The following LAMB4 variants were observed in gnomAD, a reference collection of about 807,000 sequenced individuals.
LAMB4 encodes laminin subunit beta 4.
Under a neutral mutation model 199.2 loss-of-function variants are expected in LAMB4, and 196 were observed. The observed-to-expected ratio is 0.98, with a 90% CI of 0.88 to 1.11. LAMB4 has a LOEUF of 1.11. Among genes scored for constraint, LAMB4 ranks in the 50% least tolerant of loss-of-function variants. The pLI, the probability that LAMB4 is intolerant of heterozygous loss-of-function variation, is 0.00. For synonymous variants in LAMB4, 744 were observed against 770.6 expected, an observed-to-expected ratio of 0.97 and a Z score of 0.57; for missense variants, 2,080 against 2,171.2, an observed-to-expected ratio of 0.96 and a Z score of 0.83.
chr7:108,036,128 G>A (rs1321187845), intron 30 of LAMB4, among the ~76,000 whole-genome samples: 3 of 151,886 alleles, frequency 2.0e-5, no homozygotes, highest in African/African-American at 7.3e-5. Context: ...AAAGCACTGG[G>A]ATTATAGTCG....
At chr7:108,124,469 T>C (rs1002215076) in intron 1 of LAMB4, among the ~76,000 whole-genome samples, 2 of 152,172 alleles carry the variant, frequency 1.3e-5, no homozygotes, top group African/African-American at 4.8e-5. Flanking sequence ...ATTGTATATA[T>C]ATACACATAC....
the LAMB4 span, among the ~76,000 whole-genome samples, chr7:108,013,837 T>C: frequency 1.3e-5 from 2 of 152,176 alleles, no homozygotes; most frequent in Admixed American, 1.3e-4. Context: ...AAAATTACTA[T>C]GCTGGACCCA....
chr7:108,129,106 G>T (rs1474077192), intron 1 of LAMB4, among the ~76,000 whole-genome samples: 1 of 152,136 alleles, frequency 6.6e-6, no homozygotes, highest in African/African-American at 2.4e-5. Flanking sequence ...TGCCTCATCT[G>T]CTCTCACTTG....
At chr7:108,082,214 C>T (rs1008461778) in intron 14 of LAMB4, among the ~76,000 whole-genome samples, 60 of 151,756 alleles carry the variant, frequency 4.0e-4, no homozygotes, top group African/African-American at 1.4e-3. Flanking sequence ...CCTGTAGTCC[C>T]GGCTACTTGG....
chr7:108,065,702 T>C lies in LAMB4; in HGVS notation c.2836+60A>G, dbSNP rs927295350. The C allele has an allele frequency of 2.2e-6, 3 of 1,394,860 alleles. No homozygotes were observed. In the African/African-American group the frequency reaches 4.3e-5, roughly 20 times the overall value. 86.4% of individuals were successfully genotyped at this position (1,394,860 alleles called of 1,614,324 possible). A position where few individuals can be genotyped will look rare whatever the true frequency, so the allele number is the denominator to read the frequency against. ...CAGATAAGTCATGAATATATGATCA[T>C]TTTACAGATTACAGTGTGGGATAAA... is the stretch of plus-strand genomic sequence containing the variant. On this transcript the variant is annotated intron_variant, in intron 21 of 33. Transcript: ENST00000388781.
intron 17 of LAMB4, among the ~76,000 whole-genome samples, chr7:108,072,966 G>A (rs1015131815): frequency 6.6e-6 from 1 of 152,156 alleles, no homozygotes; most frequent in African/African-American, 2.4e-5. Context: ...GCCATTCTGG[G>A]AACTGAGAAG....
At chr7:108,076,073 A>C (rs992239181) in intron 17 of LAMB4, 1 of 152,468 alleles carries the variant, frequency 6.6e-6, no homozygotes, top group African/African-American at 2.4e-5. Flanking sequence ...ATTTTTAAAA[A>C]TATGTATCAA....
intron 30 of LAMB4, 56 bp downstream of exon 30, chr7:108,037,332 G>T: frequency 7.4e-7 from 1 of 1,349,118 alleles, no homozygotes; most frequent in Non-Finnish European, 1.0e-6. Context: ...TTTTCCTGAT[G>T]TCCTTTCAGC....
At chr7:108,049,120 T>C (rs1000024306) in intron 27 of LAMB4, among the ~76,000 whole-genome samples, 4 of 151,840 alleles carry the variant, frequency 2.6e-5, no homozygotes, top group Admixed American at 1.3e-4. Flanking sequence ...TCTTTACTCT[T>C]TGATCAATTT....
Position 108,057,835 on chromosome 7 carries a change from T to A in LAMB4, c.3376A>T (p.Ile1126Phe), listed in dbSNP as rs895857731. ...NYYGDPPGRC[I>F]PCDCNRAGTQ... ...TTTTAGAAATCCCAATACTTACGAA[T>A]GCATCGCCCAGGTGGATCACCATAA... The change falls in exon 24 of 34, where the codon ATT (isoleucine) becomes TTT (phenylalanine). Residue 1126 changes from isoleucine to phenylalanine, a missense_variant. Transcript: ENST00000388781. 1.2e-6 allele frequency: 2 copies of A among 1,604,870 alleles called. No individual in the cohort carries two copies. The highest frequency in any genetic ancestry group is 1.7e-6 in the Non-Finnish European group (2 of 1,171,776).
intron 18 of LAMB4, 22 bp downstream of exon 18, chr7:108,069,686 A>G (rs1467619610): frequency 3.1e-6 from 5 of 1,602,948 alleles, no homozygotes; most frequent in Non-Finnish European, 4.3e-6. Context: ...GCCTCAGTAG[A>G]GCCCATTAAA....
intron 11 of LAMB4, among the ~76,000 whole-genome samples, chr7:108,095,778 C>A (rs753709364): frequency 6.6e-6 from 1 of 152,144 alleles, no homozygotes; most frequent in Non-Finnish European, 1.5e-5. Flanking sequence ...TTAATTCCCC[C>A]CTCCTTCTTC....
intron 33 of LAMB4, chr7:108,026,892 A>G (rs1563025919): frequency 1.9e-6 from 1 of 517,796 alleles, no homozygotes; most frequent in Non-Finnish European, 3.9e-6. Context: ...TCATTTTTCT[A>G]TCTTGCTGAG....
Position 108,048,031 on chromosome 7 carries a change from C to G in LAMB4, c.4203G>C (p.Arg1401Ser). Reference sequence around the variant, plus strand: ...CGTGACAGCCGGGACCCCTACACTTCCTGTGCCCCTTCCGGCCCGTGCAGA... The same window carrying G: ...CGTGACAGCCGGGACCCCTACACTTGCTGTGCCCCTTCCGGCCCGTGCAGA... Reference protein sequence around the residue: ...GALCTGRKGHRKCRGPGCHGS... With the variant: ...GALCTGRKGHSKCRGPGCHGS... The change falls in exon 28 of 34, where the codon AGG becomes AGC. Residue 1401 changes from arginine to serine, a missense_variant. Transcript: ENST00000388781. 6.2e-7 allele frequency: 1 copy of G among 1,614,228 alleles called. No homozygotes were observed. The highest frequency in any genetic ancestry group is 8.5e-7 in the Non-Finnish European group (1 of 1,180,026).
chr7:108,063,107 G>C, intron 22 of LAMB4, 113 bp from the exon 23 acceptor site: 1 of 599,466 alleles, frequency 1.7e-6, no homozygotes, highest in Middle Eastern at 4.7e-4. Flanking sequence ...GGGGCTCAAA[G>C]AATGAACGCC....
chr7:108,024,034 T>A lies in LAMB4; in HGVS notation c.*5A>T. ...AAGGCACAAGCTTTTGCTCTTTAAC[T>A]CTGCCTAGCTATAGCACCTAGCATA... On this transcript the variant is annotated 3_prime_UTR_variant, in exon 34 of 34. Coordinates refer to ENST00000388781, the MANE Select transcript of LAMB4 (RefSeq NM_007356.3). The A allele has an allele frequency of 6.3e-7, 1 of 1,597,912 alleles. No homozygotes were observed.
intron 3 of LAMB4, among the ~76,000 whole-genome samples, chr7:108,112,477 G>T (rs1297198373): frequency 1.4e-5 from 2 of 143,224 alleles, no homozygotes; most frequent in African/African-American, 2.5e-5. Flanking sequence ...ATTTTTATTA[G>T]AGACAGGTTT....
At chr7:108,017,573 A>C in the LAMB4 span, among the ~76,000 whole-genome samples, 1 of 152,254 alleles carries the variant, frequency 6.6e-6, no homozygotes, top group African/African-American at 2.4e-5. Context: ...GTGCAAATGC[A>C]TGCTGTGAGT....
At chr7:108,092,900 T>C (rs1183347848) in intron 12 of LAMB4, among the ~76,000 whole-genome samples, 2 of 151,948 alleles carry the variant, frequency 1.3e-5, no homozygotes, top group Non-Finnish European at 2.9e-5. Flanking sequence ...TGACACTCCA[T>C]CTCAAAAAAA....
Sources: gnomAD v4.1 joint callset for allele counts (sites outside exome capture counted in the v4.1 genomes callset) on GRCh38, gnomAD v4.1.1 for gene constraint, MANE v1.5 for transcripts, NCBI Gene and HGNC (gene_info 2026-07-23, HGNC 2026-07-21) for gene names.